Variants in SV2C observed in about 807,000 individuals in gnomAD.
The protein encoded by SV2C is solute carrier family 22 member B3.
A neutral mutation model predicts 79.7 loss-of-function variants in SV2C; 49 were observed. That is an observed-to-expected ratio of 0.61 (90% CI 0.49 to 0.78). The LOEUF is 0.78. Ranked by LOEUF, SV2C falls within the 30% of genes least tolerant of loss-of-function variation. SV2C has a pLI of 0.00. For synonymous variants in SV2C, 334 were observed against 333.2 expected (o/e 1.00, Z -0.03); for missense variants, 833 against 912.9 (o/e 0.91, Z 1.13).
chr5:76,231,503 C>T (rs898261353), intron 4 of SV2C, among the ~76,000 whole-genome samples: 6 of 151,302 alleles, frequency 4.0e-5, no homozygotes, highest in South Asian at 2.1e-4. Flanking sequence ...TAGTTACATA[C>T]GTATACATGT....
chr5:75,921,323 G>C, the SV2C span: 1 of 1,260,904 alleles, frequency 7.9e-7, no homozygotes, highest in Non-Finnish European at 1.2e-6. Context: ...GTGCTGGCTG[G>C]TGGAGCTCAC....
chr5:76,168,172 A>G (rs983258580), intron 2 of SV2C, among the ~76,000 whole-genome samples: 17 of 151,790 alleles, frequency 1.1e-4, no homozygotes, highest in African/African-American at 4.1e-4. Context: ...AGAGGTACCT[A>G]CTCCTGCCCA....
At chr5:75,890,034 G>A in the SV2C span, among the ~76,000 whole-genome samples, 3,778 of 152,160 alleles carry the variant, frequency 0.025, 157 homozygotes, top group African/African-American at 0.086. Context: ...CAATTAAACA[G>A]TTAAGATAAT....
chr5:76,058,650 T>C, the SV2C span, among the ~76,000 whole-genome samples: 3 of 152,150 alleles, frequency 2.0e-5, no homozygotes, highest in African/African-American at 7.2e-5. Flanking sequence ...CTTTTCATTA[T>C]TATAAAATTA....
chr5:76,037,998 C>T, the SV2C span, among the ~76,000 whole-genome samples: 3 of 152,170 alleles, frequency 2.0e-5, no homozygotes, highest in East Asian at 3.9e-4. Context: ...GGGAGTGACC[C>T]GATTTTCCAG....
rs73764008 is a variant in SV2C, at chr5:76,098,055, A to G, written c.-102+14543A>G. Reference sequence around the variant, plus strand: ...GCTCTAATTTTGATTAGTAATGAGTAGGAACAGGGGAAGCTTAGGGAGAAA... The same window carrying G: ...GCTCTAATTTTGATTAGTAATGAGTGGGAACAGGGGAAGCTTAGGGAGAAA... On this transcript the variant is annotated intron_variant, in intron 1 of 12. Transcript: ENST00000502798. 8.2e-3 allele frequency among the ~76,000 whole-genome samples: 1,247 copies of G among 152,294 alleles called. 15 individuals are homozygous for G. The highest frequency in any genetic ancestry group is 0.029 in the African/African-American group (1,185 of 41,572).
chr5:76,026,840 C>T, the SV2C span, among the ~76,000 whole-genome samples: 26 of 152,120 alleles, frequency 1.7e-4, no homozygotes, highest in African/African-American at 3.9e-4. Flanking sequence ...TTAAGGATGG[C>T]GCTGGGGAAG....
At chr5:76,223,476 TATATATATATATATATATATGTATATG>T (rs1745141750) in intron 4 of SV2C, among the ~76,000 whole-genome samples, 1 of 69,188 alleles carries the variant, frequency 1.4e-5, no homozygotes, top group Non-Finnish European at 2.4e-5. Flanking sequence ...TATATATATA[TATATATATATATATATATATGTATATG>T]TATATAAAGA....
At chr5:76,235,141 G>C (rs1456621618) in intron 4 of SV2C, among the ~76,000 whole-genome samples, 2 of 86,646 alleles carry the variant, frequency 2.3e-5, no homozygotes, top group African/African-American at 7.9e-5. Flanking sequence ...AAAAGGATCA[G>C]AAAAAAGACA....
chr5:76,282,932 A>G (rs1747241653), intron 4 of SV2C, among the ~76,000 whole-genome samples: 1 of 152,190 alleles, frequency 6.6e-6, no homozygotes, highest in African/African-American at 2.4e-5. Flanking sequence ...GAATCATGTG[A>G]ACCCAAGAGG....
At chr5:75,901,361 G>A in the SV2C span, among the ~76,000 whole-genome samples, 1 of 152,206 alleles carries the variant, frequency 6.6e-6, no homozygotes, top group African/African-American at 2.4e-5. Flanking sequence ...TCCAGACTGT[G>A]TTTGCCTGGG....
chr5:76,157,571 A>G (rs1210024965), intron 2 of SV2C, among the ~76,000 whole-genome samples: 1 of 151,934 alleles, frequency 6.6e-6, no homozygotes, highest in Non-Finnish European at 1.5e-5. Context: ...ATACACATAT[A>G]TACACACATA....
intron 1 of SV2C, among the ~76,000 whole-genome samples, chr5:76,131,288 C>T (rs1748880602): frequency 1.3e-5 from 2 of 152,066 alleles, no homozygotes; most frequent in African/African-American, 4.8e-5. Flanking sequence ...CTATTTTTCT[C>T]AATCAAGGTA....
At chr5:75,873,426 T>C in the SV2C span, among the ~76,000 whole-genome samples, 1 of 152,154 alleles carries the variant, frequency 6.6e-6, no homozygotes, top group Non-Finnish European at 1.5e-5. Flanking sequence ...ATAATTGTAA[T>C]AATTTAATTC....
chr5:75,872,827 T>A, the SV2C span, among the ~76,000 whole-genome samples: 1 of 151,868 alleles, frequency 6.6e-6, no homozygotes, highest in East Asian at 1.9e-4. Context: ...AGTTAATGGG[T>A]GCAGCACACC....
the SV2C span, among the ~76,000 whole-genome samples, chr5:75,955,800 C>A: frequency 6.6e-6 from 1 of 150,380 alleles, no homozygotes; most frequent in African/African-American, 2.4e-5. Context: ...AAAAAATGCT[C>A]ACCATCACTG....
At chr5:76,217,064 G>A (rs749803482) in intron 4 of SV2C, among the ~76,000 whole-genome samples, 1 of 152,176 alleles carries the variant, frequency 6.6e-6, no homozygotes, top group Non-Finnish European at 1.5e-5. Context: ...TAGCCCGAAA[G>A]GCCACAGCTC....
the SV2C span, among the ~76,000 whole-genome samples, chr5:75,945,493 T>TTA: frequency 2.0e-5 from 3 of 150,320 alleles, no homozygotes; most frequent in Admixed American, 6.6e-5. Flanking sequence ...TATTATTATT[T>TTA]TTTTTGGTAG....
At chr5:76,125,619 G>A (rs1330750651) in intron 1 of SV2C, among the ~76,000 whole-genome samples, 3 of 152,124 alleles carry the variant, frequency 2.0e-5, no homozygotes, top group Non-Finnish European at 1.5e-5. Flanking sequence ...AAGTGTGAGA[G>A]CATATAAAGT....
Sources: gnomAD v4.1 joint callset for allele counts (sites outside exome capture counted in the v4.1 genomes callset) on GRCh38, gnomAD v4.1.1 for gene constraint, MANE v1.5 for transcripts, NCBI Gene and HGNC (gene_info 2026-07-23, HGNC 2026-07-21) for gene names.